FBXL2: variants seen among roughly 807,000 people sequenced by gnomAD.
The protein encoded by FBXL2 is F-box and leucine rich repeat protein 2, also known as F-box/LRR-repeat protein 2.
Under a neutral mutation model 69.2 loss-of-function variants are expected in FBXL2, and 38 were observed. That is an observed-to-expected ratio of 0.55 (90% CI 0.42 to 0.72). FBXL2 has a LOEUF of 0.72. Among genes scored for constraint, FBXL2 ranks in the 30% least tolerant of loss-of-function variants. The pLI is 0.00. For synonymous variants in FBXL2, 192 were observed against 201.3 expected, an observed-to-expected ratio of 0.95 and a Z score of 0.39; for missense variants, 354 against 520.3, an observed-to-expected ratio of 0.68 and a Z score of 3.11.
intron 2 of FBXL2, among the ~76,000 whole-genome samples, chr3:33,333,804 C>A (rs1259752669): frequency 6.6e-6 from 1 of 152,166 alleles, no homozygotes; most frequent in South Asian, 2.1e-4. Flanking sequence ...AGAGAGAAAT[C>A]GTCTAGTTCT....
Position 33,313,920 on chromosome 3 carries a change from A to G in FBXL2, c.65+16195A>G, listed in dbSNP as rs114430471. Among the ~76,000 whole-genome samples the G allele has an allele frequency of 5.6e-3, 848 of 152,196 alleles. 6 individuals carry two copies. Among genetic ancestry groups the G allele is most frequent in the African/African-American group, 0.019 (773 of 41,522 alleles). On this transcript the variant is annotated intron_variant, in intron 2 of 14. Coordinates refer to ENST00000484457, the MANE Select transcript of FBXL2 (RefSeq NM_012157.5). Reference sequence around the variant, plus strand: ...TTGTGCCTTTTATACTTGAAGGTCAATTTTGCTGGATATTAACTAGTGGTT... The same window carrying G: ...TTGTGCCTTTTATACTTGAAGGTCAGTTTTGCTGGATATTAACTAGTGGTT...
intron 8 of FBXL2, 39 bp from the exon 9 acceptor site, chr3:33,373,808 C>T (rs1356221159): frequency 6.2e-7 from 1 of 1,613,844 alleles, no homozygotes; most frequent in South Asian, 1.1e-5. Flanking sequence ...GTTCCCTCAC[C>T]TGGATTCCAG....
chr3:33,365,057 C>T (rs1207143578), intron 5 of FBXL2, among the ~76,000 whole-genome samples: 1 of 152,178 alleles, frequency 6.6e-6, no homozygotes, highest in African/African-American at 2.4e-5. Context: ...TTCCCTTCTT[C>T]ACTTCGGCAT....
At chr3:33,342,489 T>G (rs1053926652) in intron 2 of FBXL2, among the ~76,000 whole-genome samples, 1 of 151,490 alleles carries the variant, frequency 6.6e-6, no homozygotes, top group Non-Finnish European at 1.5e-5. Context: ...TACGAAAAAA[T>G]AGAGTTTCTG....
chr3:33,393,303 T>C lies in FBXL2; in HGVS notation n.1214+7575T>C, dbSNP rs756602268. On this transcript the variant is annotated intron_variant and non_coding_transcript_variant, in intron 12 of 12. Transcript: ENST00000463736. ...AGTCTGAAAAGGAAAAACAAATGAT[T>C]TGATTTACCTGATCACTAACAAGAA... The C allele has an allele frequency of 1.9e-6, 3 of 1,590,262 alleles. No individual in the cohort carries two copies. In the East Asian group the frequency reaches 6.8e-5, roughly 36 times the overall value.
chr3:33,277,309 G>C, upstream of FBXL2: 1 of 406,878 alleles, frequency 2.5e-6, no homozygotes. Flanking sequence ...GAGAGGCGAA[G>C]AGGCCCAGTT....
chr3:33,301,039 A>G (rs1261697192), intron 2 of FBXL2, among the ~76,000 whole-genome samples: 1 of 152,146 alleles, frequency 6.6e-6, no homozygotes, highest in Admixed American at 6.5e-5. Context: ...ATGTTGAAGA[A>G]GGGTTTGAAC....
chr3:33,305,433 T>C (rs1478633938), intron 2 of FBXL2, among the ~76,000 whole-genome samples: 1 of 152,050 alleles, frequency 6.6e-6, no homozygotes, highest in Non-Finnish European at 1.5e-5. Context: ...AGTCTATTTC[T>C]AGTATTTAGT....
rs191084931 is a variant in FBXL2 at position 33,377,080 on chromosome 3, A to G, written c.789-193A>G. On this transcript the variant is annotated intron_variant, in intron 10 of 14. Coordinates refer to ENST00000484457, the MANE Select transcript of FBXL2 (RefSeq NM_012157.5). ...AAAACAACATGCTGGTAAAGCAGGA[A>G]GATTCTTGGATTTACTTTCCAAGTT... 4.1e-3 allele frequency among the ~76,000 whole-genome samples: 619 copies of G among 152,334 alleles called. 9 individuals are homozygous for G. In the South Asian group the frequency reaches 0.041, roughly 10 times the overall value.
At chr3:33,320,116 A>C (rs1373808650) in intron 2 of FBXL2, among the ~76,000 whole-genome samples, 1 of 152,248 alleles carries the variant, frequency 6.6e-6, no homozygotes, top group Non-Finnish European at 1.5e-5. Context: ...GACATTTAAA[A>C]AACTGACTCT....
chr3:33,414,981 G>A, the FBXL2 span, among the ~76,000 whole-genome samples: 2 of 151,912 alleles, frequency 1.3e-5, no homozygotes, highest in East Asian at 3.9e-4. Flanking sequence ...TCATAATGAG[G>A]TGTCATTTTT....
chr3:33,330,891 A>G (rs2039096236), intron 2 of FBXL2, among the ~76,000 whole-genome samples: 1 of 149,860 alleles, frequency 6.7e-6, no homozygotes, highest in Admixed American at 6.7e-5. Context: ...TCTGTCACAC[A>G]CACACAAACA....
chr3:33,406,605 A>C (rs1356259446), downstream of FBXL2, among the ~76,000 whole-genome samples: 1 of 152,246 alleles, frequency 6.6e-6, no homozygotes, highest in African/African-American at 2.4e-5. Flanking sequence ...AGAAACACCA[A>C]GTTTACCAAA....
Position 33,387,153 on chromosome 3 carries a change from A to T in FBXL2, c.*1545A>T, listed in dbSNP as rs1177888530. 2.6e-5 allele frequency: 4 copies of T among 152,152 alleles called. No homozygotes were observed. The highest frequency in any genetic ancestry group is 6.5e-5 in the Admixed American group (1 of 15,284). The allele number at this position is 152,152 out of a possible 1,614,324, so 9.4% of individuals were successfully genotyped here. A position where few individuals can be genotyped will look rare whatever the true frequency, so the allele number is the denominator to read the frequency against. On this transcript the variant is annotated 3_prime_UTR_variant, in exon 15 of 15. Coordinates refer to ENST00000484457, the MANE Select transcript of FBXL2 (RefSeq NM_012157.5). ...ATTCCTTGGTCTAAAAATTGTGTGGATACCATAGCAGTTAGTTAAATATAC... is the reference window on the plus strand; with the variant it reads ...ATTCCTTGGTCTAAAAATTGTGTGGTTACCATAGCAGTTAGTTAAATATAC...
At chr3:33,409,671 T>C in the FBXL2 span, 1 of 1,584,516 alleles carries the variant, frequency 6.3e-7, no homozygotes, top group Admixed American at 1.7e-5. Flanking sequence ...TTGTTCCCTC[T>C]TGAGTGACCT....
intron 2 of FBXL2, among the ~76,000 whole-genome samples, chr3:33,356,587 G>A (rs2154040106): frequency 6.6e-6 from 1 of 152,014 alleles, no homozygotes; most frequent in Non-Finnish European, 1.5e-5. Flanking sequence ...TGACCTTGTG[G>A]TCCACCCGCC....
intron 2 of FBXL2, among the ~76,000 whole-genome samples, chr3:33,321,474 AC>A (rs1267753757): frequency 2.0e-5 from 3 of 152,348 alleles, no homozygotes; most frequent in Admixed American, 6.5e-5. Flanking sequence ...ATTACAAGTG[AC>A]CATCTACTCT....
chr3:33,336,671 C>T (rs991179509), intron 2 of FBXL2, among the ~76,000 whole-genome samples: 1 of 152,146 alleles, frequency 6.6e-6, no homozygotes, highest in African/African-American at 2.4e-5. Context: ...CTTTGGGAGA[C>T]CGAGGTGGGT....
chr3:33,379,819 G>A (rs980019332), intron 13 of FBXL2, among the ~76,000 whole-genome samples: 2 of 152,130 alleles, frequency 1.3e-5, no homozygotes, highest in African/African-American at 4.8e-5. Context: ...GCCAAGCAGG[G>A]TTTACTCCAG....
Sources: allele counts gnomAD v4.1 joint callset (sites outside exome capture counted in the v4.1 genomes callset), GRCh38; gene constraint gnomAD v4.1.1; transcripts MANE v1.5; gene names NCBI Gene and HGNC (gene_info 2026-07-23, HGNC 2026-07-21).